Variants in GRIP1 observed in about 807,000 individuals in gnomAD.
GRIP1 encodes glutamate receptor interacting protein 1.
A neutral mutation model predicts 129.9 loss-of-function variants in GRIP1; 45 were observed. That is an observed-to-expected ratio of 0.35 (90% confidence interval 0.27 to 0.44). The LOEUF (loss-of-function observed/expected upper bound fraction) is 0.44. GRIP1 is among the 20% of genes least tolerant of loss of function. The probability of loss-of-function intolerance (pLI) is 1.00; values close to 1 mark genes in which losing one functional copy is unlikely to be tolerated. For missense variants in GRIP1, 1,196 were observed against 1,396.8 expected (o/e 0.86, Z 2.29); for synonymous variants, 530 against 520.8 (o/e 1.02, Z -0.24).
intron 1 of GRIP1, among the ~76,000 whole-genome samples, chr12:66,790,565 G>C (rs1183840748): frequency 6.6e-6 from 1 of 152,206 alleles, no homozygotes; most frequent in South Asian, 2.1e-4. Context: ...GAAGTATAAA[G>C]TAGATGAAAT....
At chr12:66,364,840 T>G (rs989972874) in intron 23 of GRIP1, among the ~76,000 whole-genome samples, 6 of 152,082 alleles carry the variant, frequency 3.9e-5, no homozygotes, top group African/African-American at 1.2e-4. Flanking sequence ...CTCCCTCTCT[T>G]TTTTTCTTTA....
intron 1 of GRIP1, among the ~76,000 whole-genome samples, chr12:67,028,055 C>T (rs530690593): frequency 6.6e-6 from 1 of 152,134 alleles, no homozygotes; most frequent in South Asian, 2.1e-4. Context: ...CCTCCAAACA[C>T]TGTGTCTCTC....
At chr12:66,587,143 C>A (rs1364277578) in intron 2 of GRIP1, among the ~76,000 whole-genome samples, 1 of 152,168 alleles carries the variant, frequency 6.6e-6, no homozygotes, top group Admixed American at 6.5e-5. Context: ...TTTCTTGTTT[C>A]TTTTCACTTA....
chr12:66,746,117 C>T (rs147332446), intron 1 of GRIP1, among the ~76,000 whole-genome samples: 20 of 151,984 alleles, frequency 1.3e-4, no homozygotes, highest in African/African-American at 4.3e-4. Flanking sequence ...GCTGCCACAT[C>T]GATTGAATAT....
At chr12:66,669,520 C>T (rs1378685159) in intron 1 of GRIP1, among the ~76,000 whole-genome samples, 1 of 152,126 alleles carries the variant, frequency 6.6e-6, no homozygotes, top group East Asian at 1.9e-4. Flanking sequence ...TACTAATTTT[C>T]AAGGAATTCA....
At chr12:67,010,354 C>T (rs947904349) in intron 1 of GRIP1, among the ~76,000 whole-genome samples, 1 of 152,086 alleles carries the variant, frequency 6.6e-6, no homozygotes, top group Non-Finnish European at 1.5e-5. Context: ...CTTGCCTTCA[C>T]GCTAAATCTG....
chr12:66,729,010 G>A (rs955630480), intron 1 of GRIP1, among the ~76,000 whole-genome samples: 1 of 151,830 alleles, frequency 6.6e-6, no homozygotes, highest in African/African-American at 2.4e-5. Flanking sequence ...GGAGCTGTGG[G>A]TTAACTAGGT....
intron 1 of GRIP1, among the ~76,000 whole-genome samples, chr12:67,064,055 G>C (rs1354004036): frequency 6.6e-6 from 1 of 152,090 alleles, no homozygotes; most frequent in Non-Finnish European, 1.5e-5. Flanking sequence ...CAAGTCTTTG[G>C]TGGAAAACCC....
In GRIP1 at chr12:66,815,617, A is replaced by G. The variant is rs186089826; in HGVS notation, c.59-218690T>C. 7.9e-4 allele frequency among the ~76,000 whole-genome samples: 121 copies of G among 152,210 alleles called. 1 individual carries two copies. Among genetic ancestry groups the G allele is most frequent in the African/African-American group, 2.8e-3 (116 of 41,524 alleles). On this transcript the variant is annotated intron_variant, in intron 1 of 1. Transcript: ENST00000643019. ...CTCTACAAAAAATAAAAGAAAAATT[A>G]GCCAGGCTTTGTGGCACACGCCTGT...
intron 24 of GRIP1, among the ~76,000 whole-genome samples, chr12:66,349,834 A>T (rs112146120): frequency 0.027 from 3,867 of 145,284 alleles, 162 homozygotes; most frequent in African/African-American, 0.088. Context: ...AAATTTTTTT[A>T]AAAAAATGAG....
At chr12:66,675,309 A>G (rs1370574203) in intron 1 of GRIP1, among the ~76,000 whole-genome samples, 2 of 152,094 alleles carry the variant, frequency 1.3e-5, no homozygotes, top group East Asian at 1.9e-4. Context: ...GAAGCTTGTG[A>G]AAGAAAAATG....
chr12:66,487,133 G>T (rs1049561587), intron 7 of GRIP1, among the ~76,000 whole-genome samples: 2 of 152,100 alleles, frequency 1.3e-5, no homozygotes, highest in Non-Finnish European at 2.9e-5. Context: ...CATAGTAACT[G>T]GGGGCACACT....
intron 1 of GRIP1, among the ~76,000 whole-genome samples, chr12:66,692,401 C>T (rs917416093): frequency 5.3e-5 from 8 of 152,194 alleles, no homozygotes; most frequent in Admixed American, 2.6e-4. Context: ...ACTGCGTCTA[C>T]ATGGCATCTT....
intron 7 of GRIP1, among the ~76,000 whole-genome samples, chr12:66,488,080 A>G (rs1157983459): frequency 6.6e-6 from 1 of 152,156 alleles, no homozygotes; most frequent in Non-Finnish European, 1.5e-5. Flanking sequence ...TGAGATAGAA[A>G]ATTAGTGAAG....
intron 1 of GRIP1, among the ~76,000 whole-genome samples, chr12:66,742,277 T>A (rs2099346949): frequency 6.6e-6 from 1 of 152,170 alleles, no homozygotes; most frequent in Admixed American, 6.6e-5. Context: ...TCAAAGAAGT[T>A]GGGATATTTT....
At chr12:66,779,761 C>G (rs952293615) in intron 1 of GRIP1, among the ~76,000 whole-genome samples, 2 of 152,180 alleles carry the variant, frequency 1.3e-5, no homozygotes, top group Non-Finnish European at 2.9e-5. Context: ...ACCCAGTAAA[C>G]AAGTAATATC....
chr12:66,749,758 G>A (rs1476035948), intron 1 of GRIP1, among the ~76,000 whole-genome samples: 1 of 152,066 alleles, frequency 6.6e-6, no homozygotes, highest in African/African-American at 2.4e-5. Flanking sequence ...CCATCCTGCT[G>A]GCCAAAATGC....
At chr12:67,031,678 T>C (rs1467094397) in intron 1 of GRIP1, among the ~76,000 whole-genome samples, 1 of 152,180 alleles carries the variant, frequency 6.6e-6, no homozygotes, top group Non-Finnish European at 1.5e-5. Context: ...GACACCCATG[T>C]TGAAAACCTC....
intron 1 of GRIP1, among the ~76,000 whole-genome samples, chr12:66,938,829 T>TGC (rs2041534415): frequency 6.6e-6 from 1 of 151,788 alleles, no homozygotes; most frequent in Non-Finnish European, 1.5e-5. Flanking sequence ...TGGTGGTGCA[T>TGC]GCCTGTAGTC....
Sources: gnomAD v4.1 joint callset for allele counts (sites outside exome capture counted in the v4.1 genomes callset) on GRCh38, gnomAD v4.1.1 for gene constraint, MANE v1.5 for transcripts, NCBI Gene and HGNC (gene_info 2026-07-23, HGNC 2026-07-21) for gene names.